Variants in ATP11A observed in about 807,000 individuals in gnomAD.
ATP11A encodes the protein phospholipid-transporting ATPase IH.
In ATP11A, 81 loss-of-function variants were observed where a neutral mutation model predicts 154.4. The observed-to-expected ratio is 0.52, with a 90% confidence interval of 0.44 to 0.63. ATP11A has a LOEUF of 0.63. Ranked by LOEUF, ATP11A falls within the 30% of genes least tolerant of loss-of-function variation. The pLI is 0.00. For missense variants in ATP11A, 1,316 were observed against 1,474.3 expected (o/e 0.89, Z 1.76); for synonymous variants, 623 against 585.9 (o/e 1.06, Z -0.91).
chr13:112,785,063 G>A lies in ATP11A; in HGVS notation c.40-72G>A, dbSNP rs2077590301. On this transcript the variant is annotated intron_variant, in intron 1 of 29. Transcript: ENST00000375645. The surrounding 1 kb of genome is among the most constrained non-coding windows in gnomAD (Gnocchi z 4.8). ...CTCCGTTCCGACGAACGTGCCTCAAGGCAACACTCTGGGCAAGAGCTTTTG... is the reference window on the plus strand; with the variant it reads ...CTCCGTTCCGACGAACGTGCCTCAAAGCAACACTCTGGGCAAGAGCTTTTG... The A allele has an allele frequency of 7.3e-7, 1 of 1,375,142 alleles. No homozygotes were observed. The highest frequency in any genetic ancestry group is 2.8e-5 in the East Asian group (1 of 35,968). 85.2% of individuals were successfully genotyped at this position (1,375,142 alleles called of 1,614,324 possible).
At chr13:112,873,544 G>C (rs375570834) in intron 26 of ATP11A, 29 bp from the exon 27 acceptor site, 1 of 1,541,446 alleles carries the variant, frequency 6.5e-7, no homozygotes, top group Non-Finnish European at 8.8e-7. Flanking sequence ...AGATGACACC[G>C]TTAACTGCCC....
At chr13:112,786,040 A>C (rs1033592507) in intron 2 of ATP11A, among the ~76,000 whole-genome samples, 27 of 96,338 alleles carry the variant, frequency 2.8e-4, no homozygotes, top group East Asian at 2.1e-3. Context: ...TTTCCAGGTA[A>C]TGCGGAACGC....
At chr13:112,709,324 A>G (rs905113572) in intron 1 of ATP11A, among the ~76,000 whole-genome samples, 6 of 152,324 alleles carry the variant, frequency 3.9e-5, no homozygotes, top group Admixed American at 1.3e-4. Context: ...TTTTACCCCA[A>G]AATATATTTC....
chr13:112,882,426 T>C lies in ATP11A; in HGVS notation c.*560T>C. On this transcript the variant is annotated 3_prime_UTR_variant, in exon 30 of 30. Coordinates refer to ENST00000375645, the MANE Select transcript of ATP11A (RefSeq NM_015205.3). The surrounding 1 kb of genome is among the most constrained non-coding windows in gnomAD (Gnocchi z 5.1). ...GCTTGCCCGGCCACCACCCATGCCC[T>C]CCATAGGGTGAGGTGGAGCCATGGT... 2.3e-6 allele frequency: 1 copy of C among 430,076 alleles called. No homozygotes were observed. Among genetic ancestry groups the C allele is most frequent in the Non-Finnish European group, 4.2e-6 (1 of 236,388 alleles). 26.6% of individuals were successfully genotyped at this position (430,076 alleles called of 1,614,324 possible). A position where few individuals can be genotyped will look rare whatever the true frequency, so the allele number is the denominator to read the frequency against.
Position 112,886,105 on chromosome 13 carries a change from C to G in ATP11A, c.*4239C>G, listed in dbSNP as rs975033053. The stretch of plus-strand genomic sequence containing the variant: ...CCGCCACGAGCCAGCTGGGAAGGGC[C>G]GCGGCCGCCTAAAGCCCCAGTCAAC... On this transcript the variant is annotated 3_prime_UTR_variant, in exon 30 of 30. Coordinates refer to ENST00000375645, the MANE Select transcript of ATP11A (RefSeq NM_015205.3). 6.6e-6 allele frequency: 1 copy of G among 152,328 alleles called. No individual in the cohort carries two copies. Among genetic ancestry groups the G allele is most frequent in the African/African-American group, 2.4e-5 (1 of 41,460 alleles). 9.4% of individuals were successfully genotyped at this position (152,328 alleles called of 1,614,324 possible).
At chr13:112,733,622 A>T (rs1890708266) in intron 1 of ATP11A, among the ~76,000 whole-genome samples, 1 of 152,366 alleles carries the variant, frequency 6.6e-6, no homozygotes, top group Middle Eastern at 3.4e-3. Context: ...GTAGGCCCAC[A>T]TTATCACATT....
intron 1 of ATP11A, among the ~76,000 whole-genome samples, chr13:112,767,489 G>T (rs1472913540): frequency 7.2e-6 from 1 of 138,352 alleles, no homozygotes; most frequent in Non-Finnish European, 1.6e-5. Context: ...GAGCCCCCGT[G>T]GAAAGGTGGG....
chr13:112,694,399 T>C (rs1209456593), intron 1 of ATP11A, among the ~76,000 whole-genome samples: 1 of 152,202 alleles, frequency 6.6e-6, no homozygotes, highest in Non-Finnish European at 1.5e-5. Context: ...CTCAGCTACC[T>C]GTGGGTCCCG....
rs78941794 is a variant in ATP11A, at chr13:112,860,691, C to G, written c.2855+277C>G. 0.012 allele frequency: 3,695 copies of G among 317,668 alleles called. 144 individuals are homozygous for G. The highest frequency in any genetic ancestry group is 0.071 in the African/African-American group (3,449 of 48,516). 19.7% of individuals were successfully genotyped at this position (317,668 alleles called of 1,614,324 possible). ...GTGCTTTCTGACAGTCCTGAGGGAG[C>G]TGGGGTACAAGCGTCTTCCTCGTTG... On this transcript the variant is annotated intron_variant, in intron 24 of 29. Coordinates refer to ENST00000375645, the MANE Select transcript of ATP11A (RefSeq NM_015205.3).
At position 112,694,109 on chromosome 13, in the gene ATP11A, C is replaced by T. The variant is rs981706951; in HGVS notation, c.39+3654C>T. On this transcript the variant is annotated intron_variant, in intron 1 of 29. Transcript: ENST00000375645. The stretch of plus-strand genomic sequence containing the variant: ...CTTAGATACTTTTCTTAGATACTCT[C>T]TGGGCAGTGGCCTGAATGCTGAGTG... 5.3e-5 allele frequency among the ~76,000 whole-genome samples: 8 copies of T among 152,208 alleles called. 1 individual carries two copies. The highest frequency in any genetic ancestry group is 1.3e-4 in the Admixed American group (2 of 15,280).
intron 1 of ATP11A, among the ~76,000 whole-genome samples, chr13:112,755,790 G>T (rs563964390): frequency 2.2e-4 from 29 of 134,356 alleles, no homozygotes; most frequent in African/African-American, 8.8e-4. Context: ...TCACGGAAGC[G>T]GCACTCAGAG....
intron 21 of ATP11A, 103 bp from the exon 22 acceptor site, chr13:112,858,042 G>A (rs372194946): frequency 2.5e-5 from 40 of 1,570,472 alleles, no homozygotes; most frequent in South Asian, 3.4e-5. Context: ...GTGTGTGACC[G>A]GGAAGGCTCA....
intron 1 of ATP11A, among the ~76,000 whole-genome samples, chr13:112,694,711 C>T (rs1009897591): frequency 6.6e-6 from 1 of 152,086 alleles, no homozygotes; most frequent in African/African-American, 2.4e-5. Context: ...TGTTCTTTTG[C>T]CTGTCAGAGC....
intron 1 of ATP11A, among the ~76,000 whole-genome samples, chr13:112,714,801 A>G (rs545603086): frequency 7.7e-4 from 117 of 152,244 alleles, no homozygotes; most frequent in African/African-American, 2.6e-3. Context: ...CATAACAAAC[A>G]TGCAACATCT....
At chr13:112,824,678 C>T (rs1405132074) in intron 10 of ATP11A, among the ~76,000 whole-genome samples, 3 of 152,176 alleles carry the variant, frequency 2.0e-5, no homozygotes, top group African/African-American at 7.2e-5. Context: ...CCTGACGTTC[C>T]GGTTCTGAAA....
intron 1 of ATP11A, among the ~76,000 whole-genome samples, chr13:112,777,580 TA>T (rs2077379245): frequency 6.6e-6 from 1 of 152,088 alleles, no homozygotes; most frequent in South Asian, 2.1e-4. Context: ...ATATATATAA[TA>T]ACATAATAAT....
intron 2 of ATP11A, among the ~76,000 whole-genome samples, chr13:112,786,867 C>T (rs576942555): frequency 3.3e-4 from 50 of 152,360 alleles, no homozygotes; most frequent in African/African-American, 1.2e-3. Flanking sequence ...TTAATTCACA[C>T]CAAGTGTCCT....
chr13:112,878,531 CGTCCGT>C, intron 29 of ATP11A: 2 of 591,608 alleles, frequency 3.4e-6, no homozygotes, highest in Non-Finnish European at 6.0e-6. Flanking sequence ...TCTCCCTCAG[CGTCCGT>C]GCAGCCTCAG....
At chr13:112,865,069 A>T (rs79040125) in intron 25 of ATP11A, among the ~76,000 whole-genome samples, 6 of 53,860 alleles carry the variant, frequency 1.1e-4, no homozygotes, top group East Asian at 1.4e-3. Flanking sequence ...TCCCAGCGGG[A>T]TCCATCACCA....
Sources: gnomAD v4.1 joint callset for allele counts (sites outside exome capture counted in the v4.1 genomes callset) on GRCh38, gnomAD v4.1.1 for gene constraint, Gnocchi (gnomAD v3.1) non-coding constraint, MANE v1.5 for transcripts, NCBI Gene and HGNC (gene_info 2026-07-23, HGNC 2026-07-21) for gene names.